CWF19L1: variants seen among roughly 807,000 people sequenced by gnomAD.
CWF19L1 encodes CWF19 like cell cycle control factor 1.
Under a neutral mutation model 69.7 loss-of-function variants are expected in CWF19L1, and 60 were observed. The observed-to-expected ratio is 0.86, with a 90% CI of 0.70 to 1.07. The LOEUF (loss-of-function observed/expected upper bound fraction) is 1.07. Ranked by LOEUF, CWF19L1 falls within the 50% of genes least tolerant of loss-of-function variation. The probability of loss-of-function intolerance (pLI) is 0.00; values close to 1 mark genes in which losing one functional copy is unlikely to be tolerated. For missense variants in CWF19L1, 591 were observed against 638.9 expected (o/e 0.92, Z 0.81); for synonymous variants, 209 against 222.2 (o/e 0.94, Z 0.53).
intron 13 of CWF19L1, among the ~76,000 whole-genome samples, chr10:100,234,694 G>A (rs1366704181): frequency 6.6e-6 from 1 of 152,160 alleles, no homozygotes; most frequent in Admixed American, 6.6e-5. Context: ...AAAAACAGCT[G>A]CAAATCACAG....
Position 100,260,959 on chromosome 10 carries a change from T to A in CWF19L1, c.187+7A>T. ...AATCATATGTTAAATAAAAATAATTTCTATACCTTTCTTGATGCCAGTCTT... is the reference window on the plus strand; with the variant it reads ...AATCATATGTTAAATAAAAATAATTACTATACCTTTCTTGATGCCAGTCTT... On this transcript the variant is annotated splice_region_variant and intron_variant, in intron 3 of 13. Coordinates refer to ENST00000354105, the MANE Select transcript of CWF19L1 (RefSeq NM_018294.6). The A allele has an allele frequency of 1.3e-6, 2 of 1,574,270 alleles. No individual in the cohort carries two copies. Among genetic ancestry groups the A allele is most frequent in the African/African-American group, 2.7e-5 (2 of 73,502 alleles).
At chr10:100,265,245 T>A (rs1026305694) in intron 1 of CWF19L1, among the ~76,000 whole-genome samples, 1 of 152,110 alleles carries the variant, frequency 6.6e-6, no homozygotes, top group Non-Finnish European at 1.5e-5. Flanking sequence ...AGCTGTGTTA[T>A]AACAAGAGTC....
chr10:100,235,056 A>T (rs1846387303), intron 13 of CWF19L1, among the ~76,000 whole-genome samples: 1 of 152,220 alleles, frequency 6.6e-6, no homozygotes, highest in Admixed American at 6.5e-5. Flanking sequence ...TAATTAAATA[A>T]AATCAAAAAT....
At chr10:100,245,935 G>C in intron 8 of CWF19L1, 22 bp from the exon 9 acceptor site, 1 of 1,561,972 alleles carries the variant, frequency 6.4e-7, no homozygotes, top group Non-Finnish European at 8.8e-7. Context: ...AAAAGCAGAA[G>C]ATTAAATGTT....
intron 5 of CWF19L1, chr10:100,253,840 T>C (rs1434674863): frequency 2.9e-5 from 7 of 243,270 alleles, no homozygotes; most frequent in African/African-American, 4.5e-5. Context: ...AAGTAAGCTC[T>C]CCCTCTGGAG....
At chr10:100,256,550 T>C in intron 4 of CWF19L1, 74 bp from the exon 5 acceptor site, 8 of 1,113,332 alleles carry the variant, frequency 7.2e-6, no homozygotes, top group South Asian at 1.3e-5. Flanking sequence ...GGGATGAATC[T>C]CCCATGACTC....
chr10:100,233,119 G>T lies in CWF19L1; in HGVS notation c.*108C>A. 1 of 1,178,336 alleles carries T rather than the reference G, an allele frequency of 8.5e-7. No homozygotes were observed. The highest frequency in any genetic ancestry group is 1.2e-6 in the Non-Finnish European group (1 of 862,018). 73.0% of individuals were successfully genotyped at this position (1,178,336 alleles called of 1,614,324 possible). ...GCCACAGTTATGCCACTGCAATCCT[G>T]CTTGGGTGACAGAGCGAGACTTTGT... On this transcript the variant is annotated 3_prime_UTR_variant, in exon 14 of 14. Coordinates refer to ENST00000354105, the MANE Select transcript of CWF19L1 (RefSeq NM_018294.6).
intron 10 of CWF19L1, among the ~76,000 whole-genome samples, chr10:100,241,660 C>G (rs1190337355): frequency 6.6e-6 from 1 of 152,182 alleles, no homozygotes; most frequent in Non-Finnish European, 1.5e-5. Context: ...ACTGGGAAGT[C>G]GAAGTGCATA....
chr10:100,264,928 C>A (rs781547845), intron 1 of CWF19L1, among the ~76,000 whole-genome samples: 2 of 151,826 alleles, frequency 1.3e-5, no homozygotes, highest in Admixed American at 6.6e-5. Flanking sequence ...CAAGACCAGC[C>A]TGGGTAACAT....
In CWF19L1 at chr10:100,250,274, T is replaced by C. The variant is rs1436404406; in HGVS notation, c.682A>G (p.Asn228Asp). The part of the protein sequence containing the change: ...QHATRFIALA[N>D]VGNPEKKKYL... ...TTTTTCTTTTCTGGATTTCCAACATTTGCCAGAGCTATAAACCGGGTGGCA... is the reference window on the plus strand; with the variant it reads ...TTTTTCTTTTCTGGATTTCCAACATCTGCCAGAGCTATAAACCGGGTGGCA... Residue 228 changes from asparagine (N) to aspartate (D), a missense_variant, in exon 7 of 14, where the codon AAT becomes GAT. By Grantham distance (23) the Asn-to-Asp change is conservative. Coordinates refer to ENST00000354105, the MANE Select transcript of CWF19L1 (RefSeq NM_018294.6). 4 of 1,612,122 alleles carry C rather than the reference T, an allele frequency of 2.5e-6. No homozygotes were observed. Among genetic ancestry groups the C allele is most frequent in the Non-Finnish European group, 3.4e-6 (4 of 1,178,330 alleles).
intron 6 of CWF19L1, among the ~76,000 whole-genome samples, chr10:100,251,327 C>G (rs1272084518): frequency 6.6e-6 from 1 of 152,176 alleles, no homozygotes; most frequent in East Asian, 1.9e-4. Context: ...ATTTTACACT[C>G]TCACCAGCAA....
chr10:100,233,181 G>T lies in CWF19L1; in HGVS notation c.*46C>A. 1.4e-6 allele frequency: 2 copies of T among 1,446,498 alleles called. No homozygotes were observed. Among genetic ancestry groups the T allele is most frequent in the South Asian group, 1.4e-5 (1 of 71,926 alleles). The allele number at this position is 1,446,498 out of a possible 1,614,324, so 89.6% of individuals were successfully genotyped here. A position where few individuals can be genotyped will look rare whatever the true frequency, so the allele number is the denominator to read the frequency against. Reference sequence around the variant, plus strand: ...TTCTTTTAATTAAAAAAAAAAAAAAGCTTTACTACTTCCTGTGGAGTTCAT... The same window carrying T: ...TTCTTTTAATTAAAAAAAAAAAAAATCTTTACTACTTCCTGTGGAGTTCAT... On this transcript the variant is annotated 3_prime_UTR_variant, in exon 14 of 14. Transcript: ENST00000354105.
intron 11 of CWF19L1, 116 bp from the exon 12 acceptor site, chr10:100,237,085 A>C: frequency 1.6e-6 from 2 of 1,255,878 alleles, no homozygotes; most frequent in Middle Eastern, 2.0e-4. Flanking sequence ...CCCTCAGCAC[A>C]GAATATCCTC....
At chr10:100,266,676 T>C (rs1464456794) in intron 1 of CWF19L1, among the ~76,000 whole-genome samples, 4 of 143,190 alleles carry the variant, frequency 2.8e-5, no homozygotes, top group Admixed American at 2.7e-4. Flanking sequence ...CCACCACGCC[T>C]GGCTAATTTT....
intron 7 of CWF19L1, among the ~76,000 whole-genome samples, chr10:100,249,435 TCA>T (rs760550076): frequency 6.6e-4 from 100 of 152,022 alleles, no homozygotes; most frequent in Non-Finnish European, 1.0e-3. Context: ...AGAAATACTC[TCA>T]GAGAAGTGAG....
chr10:100,262,069 A>C lies in CWF19L1; in HGVS notation c.24-6T>G. On this transcript the variant is annotated splice_polypyrimidine_tract_variant and splice_region_variant and intron_variant, in intron 1 of 13. Transcript: ENST00000354105. The stretch of plus-strand genomic sequence containing the variant: ...CAACATCTCCACAAGCCAAGCTGCA[A>C]ACAAAGAGATAAACATTATAGCAAT... 2 of 1,610,144 alleles carry C rather than the reference A, an allele frequency of 1.2e-6. No individual in the cohort carries two copies. The highest frequency in any genetic ancestry group is 1.7e-6 in the Non-Finnish European group (2 of 1,179,066).
chr10:100,240,850 A>G (rs765956176), intron 10 of CWF19L1, among the ~76,000 whole-genome samples: 2 of 152,130 alleles, frequency 1.3e-5, no homozygotes, highest in Non-Finnish European at 2.9e-5. Context: ...GAGATCATCC[A>G]AAAAGGGCAC....
intron 10 of CWF19L1, among the ~76,000 whole-genome samples, chr10:100,238,861 G>A (rs1253468161): frequency 2.0e-5 from 3 of 151,070 alleles, no homozygotes; most frequent in Non-Finnish European, 4.4e-5. Flanking sequence ...GAACCCGGGA[G>A]GCAGAGGTTG....
chr10:100,246,828 T>C lies in CWF19L1; in HGVS notation c.816A>G (p.Glu272=). 6.2e-7 allele frequency: 1 copy of C among 1,614,100 alleles called. No homozygotes were observed. Among genetic ancestry groups the C allele is most frequent in the South Asian group, 1.1e-5 (1 of 91,080 alleles). ...TENPYRKSGQ[E]ASIGKQILAP... is the part of the protein sequence containing the mutation. The stretch of plus-strand genomic sequence containing the variant: ...CAAGAATTTGCTTTCCTATGGATGC[T>C]TCCTGCCCAGATTTTCTGTAAGGGT... Residue 272 remains glutamate (E), a synonymous_variant, in exon 8 of 14, where the codon GAA becomes GAG. Transcript: ENST00000354105.
Sources: allele counts gnomAD v4.1 joint callset (sites outside exome capture counted in the v4.1 genomes callset), GRCh38; gene constraint gnomAD v4.1.1; transcripts MANE v1.5; gene names NCBI Gene and HGNC (gene_info 2026-07-23, HGNC 2026-07-21).